Variants in LIN9 observed in about 807,000 individuals in gnomAD.
LIN9 encodes the protein lin-9 DREAM MuvB core complex component.
A neutral mutation model predicts 78.0 loss-of-function variants in LIN9; 18 were observed. That is an observed-to-expected ratio of 0.23 (90% CI 0.16 to 0.34). The LOEUF (loss-of-function observed/expected upper bound fraction) is 0.34. Ranked by LOEUF, LIN9 falls within the 10% of genes least tolerant of loss-of-function variation. LIN9 has a pLI of 1.00. For missense variants in LIN9, 451 were observed against 644.1 expected, an observed-to-expected ratio of 0.70 and a Z score of 3.25; for synonymous variants, 192 against 215.2, an observed-to-expected ratio of 0.89 and a Z score of 0.94.
At chr1:226,291,933 T>C (rs1661820208) in intron 4 of LIN9, among the ~76,000 whole-genome samples, 1 of 151,866 alleles carries the variant, frequency 6.6e-6, no homozygotes. Context: ...AAAAATTAAA[T>C]GTAAAAAGAA....
Position 226,309,149 on chromosome 1 carries a change from G to T in LIN9, c.-10C>A. 1 of 1,377,512 alleles carries T rather than the reference G, an allele frequency of 7.3e-7. No individual in the cohort carries two copies. Among genetic ancestry groups the T allele is most frequent in the Non-Finnish European group, 9.5e-7 (1 of 1,052,498 alleles). The allele number at this position is 1,377,512 out of a possible 1,614,324, so 85.3% of individuals were successfully genotyped here. On this transcript the variant is annotated 5_prime_UTR_variant, in exon 1 of 15. Transcript: ENST00000681046. ...GGTCGAGCTCCGCCATCTTGAACGA[G>T]CCGCGCCGCTTTTTCAAAGGCTGCC...
chr1:226,309,230 A>G (rs200214743), upstream of LIN9: 2 of 1,416,918 alleles, frequency 1.4e-6, no homozygotes, highest in Non-Finnish European at 1.9e-6. Flanking sequence ...TCGAATGCGG[A>G]GCTCGCTGCC....
At chr1:226,292,455 G>C (rs180759046) in intron 4 of LIN9, among the ~76,000 whole-genome samples, 1 of 152,092 alleles carries the variant, frequency 6.6e-6, no homozygotes, top group East Asian at 1.9e-4. Context: ...CACCAGACCA[G>C]AAACATAAAT....
intron 1 of LIN9, 89 bp downstream of exon 1, chr1:226,309,020 C>T (rs755167856): frequency 8.0e-7 from 1 of 1,250,830 alleles, no homozygotes; most frequent in Non-Finnish European, 1.0e-6. Context: ...ACCTGCCCAG[C>T]GGAGGGCACG....
At chr1:226,245,437 C>G (rs977826776) in intron 11 of LIN9, among the ~76,000 whole-genome samples, 49 of 151,594 alleles carry the variant, frequency 3.2e-4, no homozygotes, top group Admixed American at 9.2e-4. Flanking sequence ...TTCCCCCCCC[C>G]CAAGAAACAG....
At chr1:226,309,661 C>T (rs1206645940), upstream of LIN9, 1 of 1,283,216 alleles carries the variant, frequency 7.8e-7, no homozygotes, top group Non-Finnish European at 1.0e-6. Context: ...GCGCCTCCGT[C>T]CCCTCACTTT....
chr1:226,291,387 G>A (rs1477309316), intron 4 of LIN9, among the ~76,000 whole-genome samples: 4 of 151,850 alleles, frequency 2.6e-5, no homozygotes, highest in African/African-American at 7.3e-5. Context: ...ATTACAGAAT[G>A]ACACATGGCA....
intron 4 of LIN9, among the ~76,000 whole-genome samples, chr1:226,288,304 T>G (rs891715034): frequency 6.6e-6 from 1 of 152,006 alleles, no homozygotes; most frequent in African/African-American, 2.4e-5. Flanking sequence ...AATAAAACAT[T>G]TCTCCCCACT....
chr1:226,250,597 G>A (rs1006853129), intron 11 of LIN9, among the ~76,000 whole-genome samples: 2 of 152,166 alleles, frequency 1.3e-5, no homozygotes, highest in African/African-American at 2.4e-5. Flanking sequence ...TATCACCCAG[G>A]CTAGACTGTA....
At chr1:226,305,924 T>A (rs906123912) in intron 1 of LIN9, among the ~76,000 whole-genome samples, 1 of 151,878 alleles carries the variant, frequency 6.6e-6, no homozygotes, top group Non-Finnish European at 1.5e-5. Context: ...AGAGAAGAAA[T>A]GGTAACAGTT....
At chr1:226,292,072 T>C (rs948948324) in intron 4 of LIN9, among the ~76,000 whole-genome samples, 2 of 152,212 alleles carry the variant, frequency 1.3e-5, no homozygotes, top group African/African-American at 2.4e-5. Context: ...AAATAGGGTA[T>C]ATAGGGTATT....
chr1:226,269,019 T>C (rs1660100774), intron 7 of LIN9, among the ~76,000 whole-genome samples: 1 of 152,208 alleles, frequency 6.6e-6, no homozygotes, highest in Non-Finnish European at 1.5e-5. Flanking sequence ...TGTGTCACTA[T>C]TATTTAAGTC....
In LIN9 at chr1:226,265,836, G is replaced by A. The variant is rs1389990979; in HGVS notation, c.937-202C>T. 6.6e-6 allele frequency among the ~76,000 whole-genome samples: 1 copy of A among 151,804 alleles called. No individual in the cohort carries two copies. Among genetic ancestry groups the A allele is most frequent in the East Asian group, 1.9e-4 (1 of 5,194 alleles). ...TGGGATTACAGGCGCGCGCCACCACGCCCAGCTAATTTTTGTATTTTTAGC... is the reference window on the plus strand; with the variant it reads ...TGGGATTACAGGCGCGCGCCACCACACCCAGCTAATTTTTGTATTTTTAGC... On this transcript the variant is annotated intron_variant, in intron 9 of 14. Transcript: ENST00000681046. The surrounding 1 kb of genome is among the most constrained non-coding windows in gnomAD (Gnocchi z 4.1).
At chr1:226,289,835 G>GGGGC in intron 4 of LIN9, among the ~76,000 whole-genome samples, 1 of 23,340 alleles carries the variant, frequency 4.3e-5, no homozygotes, top group Non-Finnish European at 7.5e-5. Context: ...GTAGTCCTCC[G>GGGGC]GGGGGGGGGG....
intron 12 of LIN9, among the ~76,000 whole-genome samples, chr1:226,237,971 A>C (rs1244499668): frequency 6.6e-6 from 1 of 150,864 alleles, no homozygotes; most frequent in African/African-American, 2.4e-5. Context: ...AAAAAAAAGA[A>C]TCTGATATCA....
chr1:226,248,194 A>G (rs1437568501), intron 11 of LIN9, among the ~76,000 whole-genome samples: 2 of 152,214 alleles, frequency 1.3e-5, no homozygotes, highest in Non-Finnish European at 2.9e-5. Context: ...GCCACGTTTG[A>G]GTTCTGTCAC....
chr1:226,235,191 A>G (rs1657607063), intron 12 of LIN9, among the ~76,000 whole-genome samples: 1 of 151,776 alleles, frequency 6.6e-6, no homozygotes, highest in African/African-American at 2.4e-5. Flanking sequence ...GCATGGTGGT[A>G]CATGCCTGTA....
chr1:226,291,529 A>C (rs1661791232), intron 4 of LIN9, among the ~76,000 whole-genome samples: 1 of 152,152 alleles, frequency 6.6e-6, no homozygotes, highest in Non-Finnish European at 1.5e-5. Flanking sequence ...AAAAGGTTTC[A>C]TAAGGATAAT....
chr1:226,287,889 GT>G (rs1661472183), intron 4 of LIN9, 92 bp from the exon 5 acceptor site: 2 of 856,304 alleles, frequency 2.3e-6, no homozygotes, highest in Non-Finnish European at 3.6e-6. Flanking sequence ...GGTAAATTAT[GT>G]TTAAGTACTT....
Sources: allele counts gnomAD v4.1 joint callset (sites outside exome capture counted in the v4.1 genomes callset), GRCh38; gene constraint gnomAD v4.1.1; non-coding constraint Gnocchi (gnomAD v3.1); transcripts MANE v1.5; gene names NCBI Gene and HGNC (gene_info 2026-07-23, HGNC 2026-07-21).